The following UNC5C variants were observed in gnomAD, a reference collection of about 807,000 sequenced individuals.
The protein encoded by UNC5C is netrin receptor UNC5C.
A neutral mutation model predicts 99.8 loss-of-function variants in UNC5C; 47 were observed. The observed-to-expected ratio is 0.47, with a 90% CI of 0.37 to 0.60. The LOEUF is 0.60. Among genes scored for constraint, UNC5C ranks in the 20% least tolerant of loss-of-function variants. UNC5C has a pLI of 0.00. For missense variants in UNC5C, 1,062 were observed against 1,165.9 expected, an observed-to-expected ratio of 0.91 and a Z score of 1.30; for synonymous variants, 487 against 452.2, an observed-to-expected ratio of 1.08 and a Z score of -0.98.
intron 1 of UNC5C, among the ~76,000 whole-genome samples, chr4:95,444,476 G>T (rs1007286115): frequency 3.9e-5 from 6 of 151,970 alleles, no homozygotes; most frequent in Non-Finnish European, 8.8e-5. Context: ...GGACTACAGG[G>T]GCCTGCCACC....
At chr4:95,389,905 G>A (rs187064256) in intron 1 of UNC5C, among the ~76,000 whole-genome samples, 6 of 152,008 alleles carry the variant, frequency 3.9e-5, no homozygotes, top group East Asian at 1.9e-4. Context: ...GCTTCTTTTC[G>A]CTTTTTTAGT....
intron 2 of UNC5C, among the ~76,000 whole-genome samples, chr4:95,317,636 G>C (rs918555673): frequency 2.0e-5 from 3 of 152,132 alleles, no homozygotes; most frequent in African/African-American, 7.2e-5. Context: ...GAAAATGAGC[G>C]CTATGCAGAG....
chr4:95,308,377 T>C lies in UNC5C; in HGVS notation c.347-6628A>G, dbSNP rs151192875. ...ATAGCTATAAAAATAATAAAATACA[T>C]AGAAATAAATTTAACCAAAGAGATG... is the stretch of plus-strand genomic sequence containing the variant. On this transcript the variant is annotated intron_variant, in intron 2 of 15. Coordinates refer to ENST00000453304, the MANE Select transcript of UNC5C (RefSeq NM_003728.4). Among the ~76,000 whole-genome samples the C allele has an allele frequency of 4.7e-3, 716 of 151,910 alleles. 6 individuals are homozygous for C. Among genetic ancestry groups the C allele is most frequent in the South Asian group, 0.013 (63 of 4,824 alleles).
intron 1 of UNC5C, among the ~76,000 whole-genome samples, chr4:95,517,986 G>C (rs1722258448): frequency 6.6e-6 from 1 of 152,092 alleles, no homozygotes; most frequent in African/African-American, 2.4e-5. Flanking sequence ...AAACATCTGG[G>C]AGACGTTAGA....
At chr4:95,299,451 T>C (rs1317950311) in intron 3 of UNC5C, among the ~76,000 whole-genome samples, 1 of 152,206 alleles carries the variant, frequency 6.6e-6, no homozygotes, top group Non-Finnish European at 1.5e-5. Flanking sequence ...TTCAATGATA[T>C]ATGCCATTAT....
chr4:95,391,550 T>C (rs1745358970), intron 1 of UNC5C, among the ~76,000 whole-genome samples: 1 of 152,196 alleles, frequency 6.6e-6, no homozygotes, highest in South Asian at 2.1e-4. Context: ...GTCATTTCTT[T>C]CCAATATATC....
chr4:95,344,694 C>T lies in UNC5C; in HGVS notation c.125-9063G>A, dbSNP rs1227474522. ...TAGAAACAACAAAAAGTTAAAAAGT[C>T]AGGGGACAAAGTTAAAGTGTAGAGT... is the stretch of plus-strand genomic sequence containing the variant. On this transcript the variant is annotated intron_variant, in intron 1 of 15. Transcript: ENST00000453304. Among the ~76,000 whole-genome samples the T allele has an allele frequency of 3.3e-5, 5 of 151,892 alleles. No individual in the cohort carries two copies. In the East Asian group the frequency reaches 5.8e-4, roughly 18 times the overall value.
chr4:95,204,642 A>G (rs1301306678), intron 11 of UNC5C, among the ~76,000 whole-genome samples: 1 of 152,236 alleles, frequency 6.6e-6, no homozygotes, highest in East Asian at 1.9e-4. Flanking sequence ...CGTGAGCATG[A>G]GTCAGTCTCT....
At chr4:95,422,209 G>T (rs2149456619) in intron 1 of UNC5C, among the ~76,000 whole-genome samples, 1 of 152,262 alleles carries the variant, frequency 6.6e-6, no homozygotes, top group Non-Finnish European at 1.5e-5. Flanking sequence ...GTCTGCATTT[G>T]CATAGTAATA....
chr4:95,305,896 C>G (rs1397478585), intron 2 of UNC5C, among the ~76,000 whole-genome samples: 1 of 152,060 alleles, frequency 6.6e-6, no homozygotes, highest in Non-Finnish European at 1.5e-5. Context: ...GCAATAAGAC[C>G]TGATAATGAC....
intron 1 of UNC5C, among the ~76,000 whole-genome samples, chr4:95,457,915 A>AG (rs11392578): frequency 0.067 from 10,144 of 152,142 alleles, 398 homozygotes; most frequent in African/African-American, 0.1. Flanking sequence ...TTTTAGCCTG[A>AG]GGAGATTGGA....
At chr4:95,238,694 C>T (rs1739217089) in intron 7 of UNC5C, among the ~76,000 whole-genome samples, 1 of 152,026 alleles carries the variant, frequency 6.6e-6, no homozygotes, top group African/African-American at 2.4e-5. Context: ...TCATTCTATC[C>T]TCCATTAGTT....
intron 3 of UNC5C, among the ~76,000 whole-genome samples, chr4:95,294,494 C>T (rs1741602700): frequency 6.6e-6 from 1 of 152,144 alleles, no homozygotes; most frequent in South Asian, 2.1e-4. Context: ...TCCGGAGGAG[C>T]CATCCTGCTG....
intron 1 of UNC5C, among the ~76,000 whole-genome samples, chr4:95,436,918 C>A (rs1219580124): frequency 6.7e-6 from 1 of 148,316 alleles, no homozygotes; most frequent in East Asian, 2.0e-4. Context: ...AGGCAGGAGA[C>A]ATTTTTTTGA....
At chr4:95,327,207 AC>A (rs1054028666) in intron 2 of UNC5C, among the ~76,000 whole-genome samples, 1 of 152,168 alleles carries the variant, frequency 6.6e-6, no homozygotes. Flanking sequence ...CCCTAAAAAA[AC>A]AAATGCCTTT....
chr4:95,203,026 ATGG>A, intron 11 of UNC5C, 62 bp from the exon 12 acceptor site: 1 of 1,435,276 alleles, frequency 7.0e-7, no homozygotes, highest in East Asian at 2.3e-5. Flanking sequence ...GCCACCAGGG[ATGG>A]TGGTGAATGG....
chr4:95,267,520 A>C (rs973914621), intron 4 of UNC5C, among the ~76,000 whole-genome samples: 3 of 152,238 alleles, frequency 2.0e-5, no homozygotes, highest in Non-Finnish European at 4.4e-5. Flanking sequence ...AGATGATACA[A>C]ATACATAGCT....
intron 1 of UNC5C, among the ~76,000 whole-genome samples, chr4:95,430,997 C>T (rs1483916553): frequency 6.6e-6 from 1 of 152,072 alleles, no homozygotes; most frequent in Non-Finnish European, 1.5e-5. Flanking sequence ...ACACATCATT[C>T]TTCATCCAGA....
chr4:95,292,574 G>A (rs1236014706), intron 3 of UNC5C, among the ~76,000 whole-genome samples: 2 of 152,062 alleles, frequency 1.3e-5, no homozygotes, highest in South Asian at 4.1e-4. Flanking sequence ...TTCTAAGGGG[G>A]TGAGGGGGTA....
Sources: allele counts gnomAD v4.1 joint callset (sites outside exome capture counted in the v4.1 genomes callset), GRCh38; gene constraint gnomAD v4.1.1; transcripts MANE v1.5; gene names NCBI Gene and HGNC (gene_info 2026-07-23, HGNC 2026-07-21).